Variants in PLIN4 observed in about 807,000 individuals in gnomAD.
PLIN4 encodes perilipin-4.
PLIN4 carries 57 observed loss-of-function variants against 52.4 expected under a neutral mutation model. The observed-to-expected ratio is 1.09, with a 90% confidence interval of 0.88 to 1.36. PLIN4 has a LOEUF of 1.36. Ranked by LOEUF, PLIN4 falls within the 40% of genes most tolerant of loss-of-function variation. The pLI is 0.00. For missense variants in PLIN4, 1,757 were observed against 1,770.3 expected (o/e 0.99, Z 0.13); for synonymous variants, 826 against 785.4 (o/e 1.05, Z -0.86).
Position 4,502,196 on chromosome 19 carries a change from T to A in PLIN4, c.*2263A>T. ...ACATGAAATGACTATAAATGGTTTT[T>A]TAATGAAAAAAGAAATCACTTTTAT... is the stretch of plus-strand genomic sequence containing the variant. On this transcript the variant is annotated 3_prime_UTR_variant, in exon 8 of 8. Transcript: ENST00000301286. 1 of 671,848 alleles carries A rather than the reference T, an allele frequency of 1.5e-6. No individual in the cohort carries two copies. The highest frequency in any genetic ancestry group is 2.7e-6 in the Non-Finnish European group (1 of 376,874). 41.6% of individuals were successfully genotyped at this position (671,848 alleles called of 1,614,324 possible).
At position 4,512,464 on chromosome 19, in the gene PLIN4, T is replaced by C. The variant is rs751856728; in HGVS notation, c.1496A>G (p.Lys499Arg). 6.2e-7 allele frequency: 1 copy of C among 1,610,458 alleles called. No individual in the cohort carries two copies. The highest frequency in any genetic ancestry group is 1.1e-5 in the South Asian group (1 of 90,754). The stretch of plus-strand genomic sequence containing the variant: ...TGTGAGCCCAGTGGACACAGCATCT[T>C]TAGTGCCAGTCAGGACAGACTTTGT... ...DTTKSVLTGT[K>R]DAVSTGLTGA... Residue 499 changes from lysine to arginine, a missense_variant, in exon 5 of 8, where the codon AAA (lysine) becomes AGA (arginine). Transcript: ENST00000301286.
chr19:4,506,190 C>A (rs962651576), intron 6 of PLIN4, among the ~76,000 whole-genome samples: 1 of 152,222 alleles, frequency 6.6e-6, no homozygotes, highest in African/African-American at 2.4e-5. Flanking sequence ...GGGCTCCCAA[C>A]TCCCTTGGGG....
rs372232842 is a variant in PLIN4, at chr19:4,511,258, C to T, written c.2702G>A (p.Gly901Glu). The change falls in exon 5 of 8, where the codon GGG becomes GAG. Residue 901 changes from glycine (G) to glutamate (E), a missense_variant. This residue lies in a region of PLIN4 where 712 missense variants were observed against 637.1 expected (regional missense o/e 1.12). Transcript: ENST00000301286. ...GGCCAAGTTCACAGCCCCTGTGAGC[C>T]CAGTGGACACGGCATCTTTAGTGCC... Reference protein sequence around the residue: ...LTGTKDAVSTGLTGAVNLAKG... With the variant: ...LTGTKDAVSTELTGAVNLAKG... The T allele has an allele frequency of 3.1e-4, 497 of 1,610,492 alleles. No individual in the cohort carries two copies. Among genetic ancestry groups the T allele is most frequent in the Non-Finnish European group, 4.1e-4 (481 of 1,177,934 alleles).
Position 4,516,655 on chromosome 19 carries a change from C to A in PLIN4, c.220G>T (p.Ala74Ser), listed in dbSNP as rs2145305053. 1 of 1,602,410 alleles carries A rather than the reference C, an allele frequency of 6.2e-7. No individual in the cohort carries two copies. Among genetic ancestry groups the A allele is most frequent in the East Asian group, 2.3e-5 (1 of 44,398 alleles). The change falls in exon 4 of 8, where the codon GCC becomes TCC. Residue 74 changes from alanine to serine, a missense_variant. Physicochemically the swap from Ala to Ser is moderately conservative, Grantham distance 99. This residue lies in a region of PLIN4 where 332 missense variants were observed against 310.8 expected (regional missense o/e 1.07). Transcript: ENST00000301286. The part of the protein sequence containing the change: ...AQVAAHPEQT[A>S]PWTEKELQPS... ...TGCAGCTCCTTCTCCGTCCATGGGGCCGTCTGCTCTGGGTGGGCAGCCACT... is the reference window on the plus strand; with the variant it reads ...TGCAGCTCCTTCTCCGTCCATGGGGACGTCTGCTCTGGGTGGGCAGCCACT...
In PLIN4 at chr19:4,516,735, C is replaced by A. The variant is rs142670835; in HGVS notation, c.197-57G>T. On this transcript the variant is annotated intron_variant, in intron 3 of 7. Transcript: ENST00000301286. ...AGGGATGCAGTTAGAACCATCTACCCGGCTGCCCATTGCACAATAGCCAGG... is the reference window on the plus strand; with the variant it reads ...AGGGATGCAGTTAGAACCATCTACCAGGCTGCCCATTGCACAATAGCCAGG... 541 of 1,467,606 alleles carry A rather than the reference C, an allele frequency of 3.7e-4. 3 individuals are homozygous for A. In the African/African-American group the frequency reaches 7.1e-3, roughly 19 times the overall value. The allele number at this position is 1,467,606 out of a possible 1,614,324, so 90.9% of individuals were successfully genotyped here. A position where few individuals can be genotyped will look rare whatever the true frequency, so the allele number is the denominator to read the frequency against.
At position 4,511,172 on chromosome 19, in the gene PLIN4, T is replaced by G; in HGVS notation, c.2788A>C (p.Thr930Pro). ...SKTVLTGTKD[T>P]VCSGVTGAVN... The stretch of plus-strand genomic sequence containing the variant: ...GCACCAGTGACTCCACTGCAGACGG[T>G]GTCCTTGGTACCGGTCAGGACAGTC... The change falls in exon 5 of 8, where the codon ACC becomes CCC. Residue 930 changes from threonine to proline, a missense_variant. By Grantham distance (38) the Thr-to-Pro change is conservative. Coordinates refer to ENST00000301286, the MANE Select transcript of PLIN4 (RefSeq NM_001367868.2). 6.2e-7 allele frequency: 1 copy of G among 1,612,048 alleles called. No homozygotes were observed. The highest frequency in any genetic ancestry group is 8.5e-7 in the Non-Finnish European group (1 of 1,178,850).
rs370838159 is a variant in PLIN4 at position 4,512,534 on chromosome 19, C to T, written c.1426G>A (p.Ala476Thr). ...KDTVCSGVTG[A>T]ANVAKGAVQG... ...ACGGCCCCTTTGGCCACATTCGCAG[C>T]ACCGGTGACCCCACTGCAGACAGTG... Residue 476 changes from alanine to threonine, a missense_variant, in exon 5 of 8, where the codon GCT (alanine) becomes ACT (threonine). Transcript: ENST00000301286. 1.9e-6 allele frequency: 3 copies of T among 1,609,168 alleles called. No individual in the cohort carries two copies. The highest frequency in any genetic ancestry group is 2.5e-6 in the Non-Finnish European group (3 of 1,177,178).
Position 4,510,482 on chromosome 19 carries a change from C to T in PLIN4, c.3478G>A (p.Gly1160Arg), listed in dbSNP as rs539590372. The change falls in exon 5 of 8, where the codon GGG becomes AGG. Residue 1160 changes from glycine to arginine, a missense_variant. By Grantham distance (125) the Gly-to-Arg change is moderately radical. This residue lies in a region of PLIN4 where 712 missense variants were observed against 637.1 expected (regional missense o/e 1.12). Transcript: ENST00000301286. ...GCATTCATGGGGTGGAAGATGTCCC[C>T]CAGCCCCTCCAACTCATTCTGCAGC... Reference protein sequence around the residue: ...AMLQNELEGLGDIFHPMNAEE... With the variant: ...AMLQNELEGLRDIFHPMNAEE... 4 of 1,458,164 alleles carry T rather than the reference C, an allele frequency of 2.7e-6. No homozygotes were observed. The East Asian group carries it at 7.3e-5, about 26-fold the overall frequency. The allele number at this position is 1,458,164 out of a possible 1,614,324, so 90.3% of individuals were successfully genotyped here. A position where few individuals can be genotyped will look rare whatever the true frequency, so the allele number is the denominator to read the frequency against.
rs376417787 is a variant in PLIN4, at chr19:4,504,642, C to T, written c.3933G>A (p.Glu1311=). The change falls in exon 8 of 8, where the codon GAG becomes GAA. Residue 1311 remains glutamate (E), a synonymous_variant. Transcript: ENST00000301286. The part of the protein sequence containing the change: ...PVGRARHSLC[E]LYGIVASAGS... ...CAGCTGAGGCCACGATGCCATAGAG[C>T]TCACAGAGGCTGTGCCGCGCCCGCC... is the stretch of plus-strand genomic sequence containing the variant. 187 of 1,603,784 alleles carry T rather than the reference C, an allele frequency of 1.2e-4. No homozygotes were observed. The African/African-American group carries it at 1.9e-3, about 16-fold the overall frequency.
At chr19:4,516,580 C>T (rs753768398) in intron 4 of PLIN4, 37 bp downstream of exon 4, 2 of 1,580,402 alleles carry the variant, frequency 1.3e-6, no homozygotes, top group Admixed American at 1.8e-5. Context: ...CCCCAGGGCT[C>T]CTGCCACATC....
In PLIN4 at chr19:4,504,902, G is replaced by A. The variant is rs376558815; in HGVS notation, c.3748C>T (p.Gln1250Ter). The A allele has an allele frequency of 2.7e-5, 44 of 1,608,114 alleles. 1 individual carries two copies. In the Middle Eastern group the frequency reaches 8.2e-4, roughly 30 times the overall value. The part of the protein sequence containing the change: ...QAPEGQPRLD[Q>*]GSGASAEDAA... ...TCCTCCGCACTGGCACCTGAGCCCT[G>A]GTCCAGACGTGGCTGCCCTTCTGGA... Residue 1250 changes from glutamine (Q) to a stop codon, truncating the protein, a stop_gained, in exon 7 of 8, where the codon CAG becomes TAG. Transcript: ENST00000301286. LOFTEE classifies it low-confidence loss of function (END_TRUNC).
intron 3 of PLIN4, among the ~76,000 whole-genome samples, 178 bp downstream of exon 3, chr19:4,517,376 C>A (rs964866105): frequency 1.3e-5 from 2 of 152,062 alleles, no homozygotes; most frequent in Non-Finnish European, 2.9e-5. Flanking sequence ...CGGCCACTCA[C>A]CCCCCATATT....
rs4807597 is a variant in PLIN4, at chr19:4,513,547, A to G, written c.413T>C (p.Val138Ala). The change falls in exon 5 of 8, where the codon GTG becomes GCG. Residue 138 changes from valine to alanine, a missense_variant. Around this residue, in one of 7 missense-constraint regions of PLIN4, gnomAD observed 332 missense variants for 310.8 expected, o/e 1.07. Transcript: ENST00000301286. ...GGCCCCTGTGACCCCGCTGGACACC[A>G]CCTCCTTGGTGCCCGTAAGTGCAGA... ...TRSALTGTKE[V>A]VSSGVTGAMD... 1,530,642 of 1,609,494 alleles carry G rather than the reference A, an allele frequency of 0.95. 728,170 individuals are homozygous for G. Among genetic ancestry groups the G allele is most frequent in the African/African-American group, 0.99 (74,359 of 74,878 alleles).
chr19:4,510,171 C>T (rs1413984748), intron 5 of PLIN4, among the ~76,000 whole-genome samples: 1 of 152,028 alleles, frequency 6.6e-6, no homozygotes, highest in Non-Finnish European at 1.5e-5. Context: ...TCGAGACCAT[C>T]CTGGCTAACA....
In PLIN4 at chr19:4,517,592, C is replaced by A. The variant is rs749228277; in HGVS notation, c.158G>T (p.Gly53Val). 1.9e-6 allele frequency: 3 copies of A among 1,611,162 alleles called. No homozygotes were observed. In the South Asian group the frequency reaches 3.3e-5, roughly 18 times the overall value. ...ARARPAADPTGAPAAEAAQPQ... is the reference protein window; with the variant it reads ...ARARPAADPTVAPAAEAAQPQ... ...TTGGGCAGCCTCGGCAGCAGGCGCT[C>A]CTGTGGGGTCAGCGGCCGGCCGGGC... The change falls in exon 3 of 8, where the codon GGA becomes GTA. Residue 53 changes from glycine to valine, a missense_variant. Transcript: ENST00000301286.
chr19:4,504,555 A>T lies in PLIN4; in HGVS notation c.4020T>A (p.Ala1340=). The T allele has an allele frequency of 1.2e-6, 2 of 1,605,878 alleles. No individual in the cohort carries two copies. The highest frequency in any genetic ancestry group is 4.5e-5 in the East Asian group (2 of 44,638). ...CCAGCAGCTGCTCTAACCCCTGCCA[A>T]GCCTGGTGCACACCCTCGCGGCTCT... ...LVQSREGVHQ[A]WQGLEQLLEG... The change falls in exon 8 of 8, where the codon GCT becomes GCA. Residue 1340 remains alanine (A), a synonymous_variant. Coordinates refer to ENST00000301286, the MANE Select transcript of PLIN4 (RefSeq NM_001367868.2).
chr19:4,514,061 CA>C (rs1256461491), intron 4 of PLIN4, among the ~76,000 whole-genome samples: 1 of 152,242 alleles, frequency 6.6e-6, no homozygotes, highest in Non-Finnish European at 1.5e-5. Context: ...GCAGGTCCTA[CA>C]GTTACATTTC....
At position 4,513,467 on chromosome 19, in the gene PLIN4, G is replaced by A. The variant is rs1478317621; in HGVS notation, c.493C>T (p.Leu165Phe). Reference protein sequence around the residue: ...QGGLDTSKAVLTGTKDTVSTG... With the variant: ...QGGLDTSKAVFTGTKDTVSTG... ...GACACCGTGTCCTTGGTGCCGGTGA[G>A]GACAGCCTTCGAGGTGTCCAGACCC... Residue 165 changes from leucine (L) to phenylalanine (F), a missense_variant, in exon 5 of 8, where the codon CTC becomes TTC. Physicochemically the swap from Leu to Phe is conservative, Grantham distance 22. Transcript: ENST00000301286. 5 of 1,613,370 alleles carry A rather than the reference G, an allele frequency of 3.1e-6. No homozygotes were observed. The Admixed American group carries it at 5.0e-5, about 16-fold the overall frequency.
Position 4,502,509 on chromosome 19 carries a change from C to A in PLIN4, c.*1950G>T. ...GGGGTTTGATGCTTCCTGCATCTGG[C>A]AGCCCAGGGTCCAGGCAGGTGAGCA... On this transcript the variant is annotated 3_prime_UTR_variant, in exon 8 of 8. Transcript: ENST00000301286. The A allele has an allele frequency of 3.6e-6, 1 of 275,596 alleles. No homozygotes were observed. The highest frequency in any genetic ancestry group is 6.9e-6 in the Non-Finnish European group (1 of 144,084). The allele number at this position is 275,596 out of a possible 1,614,324, so 17.1% of individuals were successfully genotyped here. A position where few individuals can be genotyped will look rare whatever the true frequency, so the allele number is the denominator to read the frequency against.
Sources: allele counts gnomAD v4.1 joint callset (sites outside exome capture counted in the v4.1 genomes callset), GRCh38; gene constraint gnomAD v4.1.1; regional missense constraint gnomAD v4.1.1; transcripts MANE v1.5; gene names NCBI Gene and HGNC (gene_info 2026-07-23, HGNC 2026-07-21).